GPC6: variants seen among roughly 807,000 people sequenced by gnomAD.
GPC6 encodes the protein glypican 6.
In GPC6, 14 loss-of-function variants were observed where a neutral mutation model predicts 55.2. That is an observed-to-expected ratio of 0.25 (90% CI 0.17 to 0.40). GPC6 has a LOEUF of 0.40. Ranked by LOEUF, GPC6 falls within the 10% of genes least tolerant of loss-of-function variation. GPC6 has a pLI of 1.00. For synonymous variants in GPC6, 278 were observed against 259.6 expected (o/e 1.07, Z -0.68); for missense variants, 641 against 708.5 (o/e 0.90, Z 1.08).
At chr13:93,345,945 G>A (rs1177778464) in intron 1 of GPC6, among the ~76,000 whole-genome samples, 8 of 152,166 alleles carry the variant, frequency 5.3e-5, no homozygotes, top group African/African-American at 1.9e-4. Flanking sequence ...TAGTTTGCAA[G>A]ACTGGTTCAT....
chr13:93,631,883 T>A (rs1879456981), intron 2 of GPC6, among the ~76,000 whole-genome samples: 1 of 152,180 alleles, frequency 6.6e-6, no homozygotes, highest in Non-Finnish European at 1.5e-5. Flanking sequence ...AATGATTCAA[T>A]TTAGTATGTG....
intron 3 of GPC6, among the ~76,000 whole-genome samples, chr13:93,998,556 CAG>C (rs1233623715): frequency 6.6e-6 from 1 of 152,048 alleles, no homozygotes; most frequent in Non-Finnish European, 1.5e-5. Flanking sequence ...GATGTGGTCT[CAG>C]AGTGGGGATA....
chr13:93,492,611 G>C (rs1437244355), intron 1 of GPC6, among the ~76,000 whole-genome samples: 1 of 149,518 alleles, frequency 6.7e-6, no homozygotes, highest in African/African-American at 2.5e-5. Flanking sequence ...GTTTTCAAAG[G>C]GAATGCTTCT....
At chr13:93,993,858 A>AAAAT (rs1230622072) in intron 3 of GPC6, among the ~76,000 whole-genome samples, 1 of 152,184 alleles carries the variant, frequency 6.6e-6, no homozygotes, top group Non-Finnish European at 1.5e-5. Flanking sequence ...CAACATTTTA[A>AAAAT]AAATAACACA....
intron 1 of GPC6, among the ~76,000 whole-genome samples, chr13:93,497,211 T>C (rs1316513756): frequency 2.0e-5 from 3 of 152,246 alleles, no homozygotes; most frequent in Admixed American, 6.5e-5. Context: ...TTGGATCAGA[T>C]AGTAGCCTAG....
chr13:94,151,880 T>C (rs1312486827), intron 4 of GPC6, among the ~76,000 whole-genome samples: 2 of 152,166 alleles, frequency 1.3e-5, no homozygotes, highest in Non-Finnish European at 2.9e-5. Flanking sequence ...GAAATAAAAA[T>C]ATATAAATTT....
At chr13:93,468,143 A>G (rs899493064) in intron 1 of GPC6, among the ~76,000 whole-genome samples, 1 of 151,844 alleles carries the variant, frequency 6.6e-6, no homozygotes, top group Non-Finnish European at 1.5e-5. Flanking sequence ...TTGAACCTGA[A>G]AACTCTTTAG....
chr13:93,503,780 C>T (rs1273708808), intron 1 of GPC6, among the ~76,000 whole-genome samples: 3 of 152,060 alleles, frequency 2.0e-5, no homozygotes, highest in Middle Eastern at 3.2e-3. Context: ...AAAGTGAATG[C>T]TAATAACCTC....
rs1035976574 is a variant in GPC6, at chr13:93,869,031, G to A, written c.711+38486G>A. On this transcript the variant is annotated intron_variant, in intron 3 of 8. Transcript: ENST00000377047. ...AACTTAATTTTTGGTTGGGGTACAAGACCTTTAACAATTCAGCTCCTTTTA... is the reference window on the plus strand; with the variant it reads ...AACTTAATTTTTGGTTGGGGTACAAAACCTTTAACAATTCAGCTCCTTTTA... Among the ~76,000 whole-genome samples, 4 of 151,810 alleles carry A rather than the reference G, an allele frequency of 2.6e-5. No individual in the cohort carries two copies. The East Asian group carries it at 7.8e-4, about 30-fold the overall frequency.
chr13:94,336,678 C>T (rs1168355010), intron 6 of GPC6, among the ~76,000 whole-genome samples: 1 of 151,932 alleles, frequency 6.6e-6, no homozygotes, highest in Non-Finnish European at 1.5e-5. Flanking sequence ...TCTGCTTTCT[C>T]TGCAACAACA....
intron 4 of GPC6, among the ~76,000 whole-genome samples, chr13:94,102,852 ATTAG>A (rs1303836265): frequency 6.6e-6 from 1 of 152,098 alleles, no homozygotes; most frequent in African/African-American, 2.4e-5. Context: ...ATACAACTTA[ATTAG>A]TTATGTATCT....
At chr13:93,490,514 G>GTTT (rs796098096) in intron 1 of GPC6, among the ~76,000 whole-genome samples, 3 of 35,316 alleles carry the variant, frequency 8.5e-5, no homozygotes, top group Non-Finnish European at 1.5e-4. Flanking sequence ...TTTTTTTTGA[G>GTTT]TTTTTTTTTT....
chr13:94,194,404 T>C (rs1889497438), intron 4 of GPC6, among the ~76,000 whole-genome samples: 1 of 152,194 alleles, frequency 6.6e-6, no homozygotes, highest in African/African-American at 2.4e-5. Flanking sequence ...TGTATGTCTG[T>C]GTGTTTTTGC....
chr13:93,391,738 A>G (rs921088812), intron 1 of GPC6, among the ~76,000 whole-genome samples: 2 of 152,076 alleles, frequency 1.3e-5, no homozygotes, highest in East Asian at 3.9e-4. Context: ...CTTAGCTTTT[A>G]AGATTTAGTG....
chr13:93,779,092 A>G (rs1452727758), intron 2 of GPC6, among the ~76,000 whole-genome samples: 1 of 152,156 alleles, frequency 6.6e-6, no homozygotes, highest in African/African-American at 2.4e-5. Flanking sequence ...TAATCTGCCA[A>G]ATATAATTTT....
At chr13:93,995,007 G>C (rs1252801540) in intron 3 of GPC6, among the ~76,000 whole-genome samples, 1 of 151,904 alleles carries the variant, frequency 6.6e-6, no homozygotes, top group East Asian at 1.9e-4. Context: ...CTATATACCT[G>C]TTTTTGCCTG....
chr13:94,012,434 C>T (rs946380191), intron 3 of GPC6, among the ~76,000 whole-genome samples: 1 of 152,146 alleles, frequency 6.6e-6, no homozygotes, highest in South Asian at 2.1e-4. Flanking sequence ...GTGCTAACAA[C>T]TAGGTGGTCC....
chr13:94,124,196 A>G (rs1269427732), intron 4 of GPC6, among the ~76,000 whole-genome samples: 2 of 152,070 alleles, frequency 1.3e-5, no homozygotes, highest in African/African-American at 2.4e-5. Flanking sequence ...TAAGCACTTC[A>G]TTTTTACAAC....
At chr13:94,340,173 G>A (rs964923469) in intron 6 of GPC6, among the ~76,000 whole-genome samples, 7 of 152,056 alleles carry the variant, frequency 4.6e-5, no homozygotes, top group Non-Finnish European at 8.8e-5. Flanking sequence ...ATGGTTAAAC[G>A]GCAACTGGGA....
Sources: gnomAD v4.1 joint callset for allele counts (sites outside exome capture counted in the v4.1 genomes callset) on GRCh38, gnomAD v4.1.1 for gene constraint, MANE v1.5 for transcripts, NCBI Gene and HGNC (gene_info 2026-07-23, HGNC 2026-07-21) for gene names.